Variants in PCDHGB1 observed in about 807,000 individuals in gnomAD.
PCDHGB1 encodes the protein protocadherin gamma-B1.
A neutral mutation model predicts 56.6 loss-of-function variants in PCDHGB1; 34 were observed. That is an observed-to-expected ratio of 0.60 (90% confidence interval 0.46 to 0.80). The LOEUF (loss-of-function observed/expected upper bound fraction) is 0.80, where lower values mean the gene tolerates loss of function less well. Ranked by LOEUF, PCDHGB1 falls within the 30% of genes least tolerant of loss-of-function variation. The pLI is 0.00. For missense variants in PCDHGB1, 1,278 were observed against 1,204.6 expected (o/e 1.06, Z -0.90); for synonymous variants, 561 against 505.9 (o/e 1.11, Z -1.46).
At chr5:141,363,119 GT>G (rs1228488780) in intron 1 of PCDHGB1, among the ~76,000 whole-genome samples, 2 of 152,234 alleles carry the variant, frequency 1.3e-5, no homozygotes, top group East Asian at 3.8e-4. Flanking sequence ...GGTCTGAGGT[GT>G]CTGCTAGAAA....
At chr5:141,507,120 T>TA (rs1256499995) in intron 3 of PCDHGB1, 2 of 152,206 alleles carry the variant, frequency 1.3e-5, no homozygotes, top group African/African-American at 4.8e-5. Context: ...TGGCTGCCTT[T>TA]GGATCCAGCC....
chr5:141,437,385 C>T (rs543945898), intron 1 of PCDHGB1, among the ~76,000 whole-genome samples: 12 of 152,202 alleles, frequency 7.9e-5, no homozygotes, highest in Non-Finnish European at 1.6e-4. Flanking sequence ...AGAAGACATT[C>T]ATCCACTGCT....
Position 141,421,262 on chromosome 5 carries a change from G to GGCTGCT in PCDHGB1, c.2409+68604_2409+68609dup, listed in dbSNP as rs748368476. 11 of 1,609,598 alleles carry GGCTGCT rather than the reference G, an allele frequency of 6.8e-6. No individual in the cohort carries two copies. The Admixed American group carries it at 8.4e-5, about 12-fold the overall frequency. ...CGGCTACAGCGCGGGGACCGCAGTC[G>GGCTGCT]GCTGCTGCTGCTGCTGTGCATTTTC... is the stretch of plus-strand genomic sequence containing the variant. On this transcript the variant is annotated intron_variant, in intron 1 of 3. Coordinates refer to ENST00000523390, the MANE Select transcript of PCDHGB1 (RefSeq NM_018922.3).
In PCDHGB1 at chr5:141,415,739, G is replaced by GTTT. The variant is rs1561759437; in HGVS notation, c.2409+63070_2409+63071insTTT. 6 of 435,150 alleles carry GTTT rather than the reference G, an allele frequency of 1.4e-5. No individual in the cohort carries two copies. The African/African-American group carries it at 1.6e-4, about 12-fold the overall frequency. 27.0% of individuals were successfully genotyped at this position (435,150 alleles called of 1,614,324 possible). ...ATGAGTAGAATTTGATGTTTATTAAGGTTTTTTTTTTTTTTTTTTTTTTTT... is the reference window on the plus strand; with the variant it reads ...ATGAGTAGAATTTGATGTTTATTAAGTTTGTTTTTTTTTTTTTTTTTTTTTTTT... On this transcript the variant is annotated intron_variant, in intron 1 of 3. Transcript: ENST00000523390.
In PCDHGB1 at chr5:141,486,649, C is replaced by G; in HGVS notation, c.2410-8158C>G. On this transcript the variant is annotated intron_variant, in intron 1 of 3. Transcript: ENST00000523390. This position sits in a 1 kb window ranked among gnomAD's most constrained non-coding sequence, Gnocchi z 5.0. The stretch of plus-strand genomic sequence containing the variant: ...CTGGCTTGAATGCGCTTATCTCCTA[C>G]TCACTCCTGGAGCCCAGGAATCGAG... The G allele has an allele frequency of 6.2e-7, 1 of 1,613,952 alleles. No individual in the cohort carries two copies. The highest frequency in any genetic ancestry group is 8.5e-7 in the Non-Finnish European group (1 of 1,180,034).
At chr5:141,362,712 C>G (rs1588580103) in intron 1 of PCDHGB1, 1 of 928,800 alleles carries the variant, frequency 1.1e-6, no homozygotes, top group African/African-American at 1.7e-5. Context: ...TAAGTGTTTT[C>G]TCTCTGAAGT....
chr5:141,406,258 G>C (rs895877034), intron 1 of PCDHGB1, among the ~76,000 whole-genome samples: 13 of 151,882 alleles, frequency 8.6e-5, no homozygotes, highest in South Asian at 2.1e-4. Flanking sequence ...GGTCTCAAAC[G>C]ATCTTCCTGC....
intron 1 of PCDHGB1, chr5:141,357,194 C>A (rs2149794911): frequency 6.2e-7 from 1 of 1,613,764 alleles, no homozygotes. Flanking sequence ...GTGGCTGTGG[C>A]CGACAGCATC....
chr5:141,509,572 G>T (rs955898202), intron 3 of PCDHGB1, among the ~76,000 whole-genome samples: 24 of 152,300 alleles, frequency 1.6e-4, no homozygotes, highest in Middle Eastern at 3.4e-3. Context: ...CCTTCACAGT[G>T]CGTACAAATC....
At chr5:141,468,330 C>CAAAAA (rs533390277) in intron 1 of PCDHGB1, 4 of 79,848 alleles carry the variant, frequency 5.0e-5, no homozygotes, top group African/African-American at 7.8e-5. Context: ...AACTCCATCT[C>CAAAAA]AAAAAAAAAA....
chr5:141,486,153 C>A lies in PCDHGB1; in HGVS notation c.2410-8654C>A, dbSNP rs1330257915. On this transcript the variant is annotated intron_variant, in intron 1 of 3. Coordinates refer to ENST00000523390, the MANE Select transcript of PCDHGB1 (RefSeq NM_018922.3). This position sits in a 1 kb window ranked among gnomAD's most constrained non-coding sequence, Gnocchi z 5.0. ...GATGTGCGGGCTCGCGATGGGGGTTCTCCAGCCATGGAGCAACATTGCAGC... is the reference window on the plus strand; with the variant it reads ...GATGTGCGGGCTCGCGATGGGGGTTATCCAGCCATGGAGCAACATTGCAGC... 6.2e-7 allele frequency: 1 copy of A among 1,614,202 alleles called. No individual in the cohort carries two copies. The highest frequency in any genetic ancestry group is 1.7e-5 in the Admixed American group (1 of 60,022).
chr5:141,400,080 C>T (rs375308173), intron 1 of PCDHGB1: 219 of 1,614,010 alleles, frequency 1.4e-4, no homozygotes, highest in East Asian at 2.9e-4. Flanking sequence ...CGCCACTCTC[C>T]GCCACCGCCA....
At chr5:141,355,494 A>G in intron 1 of PCDHGB1, 1 of 1,614,040 alleles carries the variant, frequency 6.2e-7, no homozygotes. Context: ...TCTGCGACAG[A>G]TCTCCAAACT....
At chr5:141,372,273 C>T (rs201775561) in intron 1 of PCDHGB1, 6 of 1,613,106 alleles carry the variant, frequency 3.7e-6, no homozygotes, top group East Asian at 4.5e-5. Context: ...GGGTGAGGTG[C>T]GCACGGCGCG....
intron 2 of PCDHGB1, among the ~76,000 whole-genome samples, chr5:141,504,179 A>C (rs1247627456): frequency 6.6e-6 from 1 of 152,240 alleles, no homozygotes; most frequent in Non-Finnish European, 1.5e-5. Context: ...AATTCAAAAA[A>C]ATCATGAAAA....
intron 1 of PCDHGB1, chr5:141,394,106 T>C: frequency 1.2e-6 from 2 of 1,613,942 alleles, no homozygotes; most frequent in Non-Finnish European, 1.7e-6. Flanking sequence ...GAACACCACC[T>C]CTGTCCACTG....
chr5:141,383,975 A>G (rs2150246512), intron 1 of PCDHGB1: 3 of 1,613,820 alleles, frequency 1.9e-6, no homozygotes, highest in South Asian at 2.2e-5. Flanking sequence ...ATCCCTGAAG[A>G]CACACCTCTT....
At position 141,485,880 on chromosome 5, in the gene PCDHGB1, A is replaced by G; in HGVS notation, c.2410-8927A>G. 1 of 1,614,124 alleles carries G rather than the reference A, an allele frequency of 6.2e-7. No individual in the cohort carries two copies. Among genetic ancestry groups the G allele is most frequent in the Non-Finnish European group, 8.5e-7 (1 of 1,180,026 alleles). On this transcript the variant is annotated intron_variant, in intron 1 of 3. Transcript: ENST00000523390. The surrounding 1 kb of genome is among the most constrained non-coding windows in gnomAD (Gnocchi z 5.7). ...CTCCGGGTATCCGTGCTGGACGTAA[A>G]CGACAACGCCCCAGCCTTCCAGCAA... is the stretch of plus-strand genomic sequence containing the variant.
In PCDHGB1 at chr5:141,487,761, C is replaced by T. The variant is rs1331182183; in HGVS notation, c.2410-7046C>T. Reference sequence around the variant, plus strand: ...GTAAGAGGTAACTATGTGGTAGACGCTGTGCTTTGTAACTGTTTCGTGAAT... The same window carrying T: ...GTAAGAGGTAACTATGTGGTAGACGTTGTGCTTTGTAACTGTTTCGTGAAT... On this transcript the variant is annotated intron_variant, in intron 1 of 3. Coordinates refer to ENST00000523390, the MANE Select transcript of PCDHGB1 (RefSeq NM_018922.3). The surrounding 1 kb of genome is among the most constrained non-coding windows in gnomAD (Gnocchi z 5.0). 3.2e-6 allele frequency: 5 copies of T among 1,545,926 alleles called. No individual in the cohort carries two copies. Among genetic ancestry groups the T allele is most frequent in the South Asian group, 1.2e-5 (1 of 83,534 alleles).
Sources: gnomAD v4.1 joint callset for allele counts (sites outside exome capture counted in the v4.1 genomes callset) on GRCh38, gnomAD v4.1.1 for gene constraint, Gnocchi (gnomAD v3.1) non-coding constraint, MANE v1.5 for transcripts, NCBI Gene and HGNC (gene_info 2026-07-23, HGNC 2026-07-21) for gene names.